The following IL6ST variants were observed in gnomAD, a reference collection of about 807,000 sequenced individuals.
The protein encoded by IL6ST is interleukin-6 receptor subunit beta.
A neutral mutation model predicts 91.3 loss-of-function variants in IL6ST; 24 were observed. The ratio of observed to expected loss-of-function variants is 0.26; its 90% CI spans 0.19 to 0.37. The LOEUF (loss-of-function observed/expected upper bound fraction) is 0.37. Ranked by LOEUF, IL6ST falls within the 10% of genes least tolerant of loss-of-function variation. The probability of loss-of-function intolerance (pLI) is 1.00; values close to 1 mark genes in which losing one functional copy is unlikely to be tolerated. For synonymous variants in IL6ST, 351 were observed against 373.6 expected (o/e 0.94, Z 0.70); for missense variants, 914 against 1,078.5 (o/e 0.85, Z 2.14).
At chr5:55,950,335 G>A (rs955177649) in intron 14 of IL6ST, 47 of 351,944 alleles carry the variant, frequency 1.3e-4, no homozygotes, top group Admixed American at 1.3e-3. Context: ...TCAGGAGGTC[G>A]AGACCATCCC....
rs182699506 is a variant in IL6ST, at chr5:55,939,339, T to G, written c.*1743A>C. 1 of 202,658 alleles carries G rather than the reference T, an allele frequency of 4.9e-6. No homozygotes were observed. Among genetic ancestry groups the G allele is most frequent in the Non-Finnish European group, 1.0e-5 (1 of 98,688 alleles). The allele number at this position is 202,658 out of a possible 1,614,324, so 12.6% of individuals were successfully genotyped here. The stretch of plus-strand genomic sequence containing the variant: ...AAGTGGGAAACTGAATATATCAGAA[T>G]GAAACATCTATTTTTTTCATAAAGA... On this transcript the variant is annotated 3_prime_UTR_variant, in exon 17 of 17. Transcript: ENST00000381298.
At chr5:55,989,811 G>A (rs1341535640) in intron 1 of IL6ST, among the ~76,000 whole-genome samples, 1 of 152,180 alleles carries the variant, frequency 6.6e-6, no homozygotes, top group African/African-American at 2.4e-5. Flanking sequence ...TTCCTAGATA[G>A]AGAAAATAGC....
chr5:55,969,521 G>A (rs1423690659), intron 4 of IL6ST, 29 bp downstream of exon 4: 1 of 1,485,076 alleles, frequency 6.7e-7, no homozygotes, highest in Non-Finnish European at 9.3e-7. Flanking sequence ...TCATGACAAA[G>A]TCTGAAATAA....
At chr5:55,960,679 G>A (rs1358554976) in intron 7 of IL6ST, 118 bp from the exon 8 acceptor site, 2 of 824,210 alleles carry the variant, frequency 2.4e-6, no homozygotes, top group Admixed American at 3.0e-5. Context: ...CCAGGTTGGA[G>A]TGCAGTGGTG....
chr5:55,941,850 G>A (rs368215119), intron 16 of IL6ST, 31 bp from the exon 17 acceptor site: 69 of 1,568,904 alleles, frequency 4.4e-5, no homozygotes, highest in Non-Finnish European at 1.3e-5. Flanking sequence ...TATATGGCAA[G>A]TATTAGTTAA....
At chr5:55,961,039 A>G (rs1752283091) in intron 7 of IL6ST, among the ~76,000 whole-genome samples, 1 of 152,188 alleles carries the variant, frequency 6.6e-6, no homozygotes, top group Admixed American at 6.5e-5. Context: ...CCCAGGTTCA[A>G]GTGATTCTAT....
chr5:55,962,722 CA>C (rs1196214176), intron 7 of IL6ST, among the ~76,000 whole-genome samples: 2 of 152,126 alleles, frequency 1.3e-5, no homozygotes, highest in African/African-American at 2.4e-5. Context: ...TGCAGCACAC[CA>C]ATCCCTACAC....
intron 2 of IL6ST, among the ~76,000 whole-genome samples, chr5:55,977,972 C>T (rs191947329): frequency 6.3e-4 from 96 of 151,824 alleles, no homozygotes; most frequent in Non-Finnish European, 9.4e-4. Flanking sequence ...GCACTCCAGC[C>T]TGGGCAACAA....
In IL6ST at chr5:55,963,465, C is replaced by T. The variant is rs1251689419; in HGVS notation, c.700G>A (p.Glu234Lys). 1.2e-6 allele frequency: 2 copies of T among 1,610,002 alleles called. No individual in the cohort carries two copies. Among genetic ancestry groups the T allele is most frequent in the South Asian group, 2.2e-5 (2 of 90,714 alleles). ...AATTTTAAGATACTAGACAGTTCCT[C>T]TGAGTTGATCACTGATAAATTATGT... Reference protein sequence around the residue: ...PPHNLSVINSEELSSILKLTW... With the variant: ...PPHNLSVINSKELSSILKLTW... The change falls in exon 7 of 17, where the codon GAG becomes AAG. Residue 234 changes from glutamate (E) to lysine (K), a missense_variant. Glu to Lys is a moderately conservative substitution (Grantham distance 56). Coordinates refer to ENST00000381298, the MANE Select transcript of IL6ST (RefSeq NM_002184.4).
chr5:55,954,531 T>C (rs1461352393), intron 11 of IL6ST, among the ~76,000 whole-genome samples: 1 of 152,206 alleles, frequency 6.6e-6, no homozygotes, highest in Admixed American at 6.5e-5. Flanking sequence ...GGTTGGACTC[T>C]TATATTTCTC....
intron 2 of IL6ST, among the ~76,000 whole-genome samples, chr5:55,981,566 C>T (rs185389367): frequency 2.0e-5 from 3 of 152,044 alleles, no homozygotes; most frequent in African/African-American, 7.2e-5. Flanking sequence ...TCACTTGAAC[C>T]TGGGAGGCGG....
At position 55,941,633 on chromosome 5, in the gene IL6ST, A is replaced by T. The variant is rs1438325498; in HGVS notation, c.2206T>A (p.Ser736Thr). ...CTGCTAGAAATGCTTGGCCTAGAAGATGACATGCATGAAGACCCCCCAATA... is the reference window on the plus strand; with the variant it reads ...CTGCTAGAAATGCTTGGCCTAGAAGTTGACATGCATGAAGACCCCCCAATA... ...SGIGGSSCMS[S>T]SRPSISSSDE... The change falls in exon 17 of 17, where the codon TCT becomes ACT. Residue 736 changes from serine to threonine, a missense_variant. By Grantham distance (58) the Ser-to-Thr change is moderately conservative. Coordinates refer to ENST00000381298, the MANE Select transcript of IL6ST (RefSeq NM_002184.4). The T allele has an allele frequency of 1.9e-6, 3 of 1,614,038 alleles. No individual in the cohort carries two copies. Among genetic ancestry groups the T allele is most frequent in the Admixed American group, 1.7e-5 (1 of 60,006 alleles).
chr5:55,950,954 C>A (rs1253226082), intron 14 of IL6ST, among the ~76,000 whole-genome samples: 20 of 143,990 alleles, frequency 1.4e-4, no homozygotes, highest in South Asian at 4.4e-4. Flanking sequence ...ACCCTGCCTC[C>A]AAAAAAAAAA....
chr5:55,968,174 T>C, intron 5 of IL6ST, 102 bp downstream of exon 5: 1 of 1,058,864 alleles, frequency 9.4e-7, no homozygotes, highest in Non-Finnish European at 1.4e-6. Flanking sequence ...AAATTAAATG[T>C]TTTAAAATAG....
intron 14 of IL6ST, 28 bp from the exon 15 acceptor site, chr5:55,947,617 A>T: frequency 8.8e-7 from 1 of 1,141,498 alleles, no homozygotes; most frequent in Non-Finnish European, 1.3e-6. Context: ...AAAAAAAAAA[A>T]GAGGTGTGAT....
In IL6ST at chr5:55,941,043, A is replaced by G; in HGVS notation, c.*39T>C. On this transcript the variant is annotated 3_prime_UTR_variant, in exon 17 of 17. Transcript: ENST00000381298. ...GATAAAATCATTTTAGCTTTACTTT[A>G]TAGGTACTGCTGAAGTTGTAGCAGG... The G allele has an allele frequency of 6.5e-7, 1 of 1,536,060 alleles. No homozygotes were observed. The highest frequency in any genetic ancestry group is 2.1e-5 in the Admixed American group (1 of 48,214).
At chr5:55,968,169 A>T in intron 5 of IL6ST, 107 bp downstream of exon 5, 1 of 1,012,460 alleles carries the variant, frequency 9.9e-7, no homozygotes. Flanking sequence ...ATAAAAAATT[A>T]AATGTTTTAA....
chr5:55,942,646 C>T, intron 16 of IL6ST, 24 bp downstream of exon 16: 2 of 1,352,942 alleles, frequency 1.5e-6, no homozygotes, highest in Non-Finnish European at 2.1e-6. Context: ...ATATTATAAA[C>T]AACTCAGAAG....
At chr5:55,957,923 A>C (rs1752084993) in intron 8 of IL6ST, among the ~76,000 whole-genome samples, 1 of 152,206 alleles carries the variant, frequency 6.6e-6, no homozygotes, top group South Asian at 2.1e-4. Flanking sequence ...AAACTGGAAA[A>C]TCTATTTAAA....
Sources: gnomAD v4.1 joint callset for allele counts (sites outside exome capture counted in the v4.1 genomes callset) on GRCh38, gnomAD v4.1.1 for gene constraint, MANE v1.5 for transcripts, NCBI Gene and HGNC (gene_info 2026-07-23, HGNC 2026-07-21) for gene names.